SBK2: variants seen among roughly 807,000 people sequenced by gnomAD.
SBK2 encodes the protein serine/threonine-protein kinase SBK2.
In SBK2, 18 loss-of-function variants were observed where a neutral mutation model predicts 15.9. That is an observed-to-expected ratio of 1.13 (90% confidence interval 0.78 to 1.68). The LOEUF is 1.68. SBK2 is among the 40% of genes most tolerant of loss of function. The pLI, the probability that SBK2 is intolerant of heterozygous loss-of-function variation, is 0.00. For missense variants in SBK2, 581 were observed against 510.9 expected (o/e 1.14, Z -1.32); for synonymous variants, 284 against 246.8 (o/e 1.15, Z -1.41).
Position 55,529,770 on chromosome 19 carries a change from TC to T in SBK2, c.1009del (p.Glu337ArgfsTer68). On this transcript the variant is annotated frameshift_variant, in exon 4 of 4. Transcript: ENST00000413299. LOFTEE classifies it low-confidence loss of function (END_TRUNC). ...CTCCTCTTCCACCGCTCCCACTGCCTCCGCCTCGCCCTCCCGCTGCCTCCAG... is the reference window on the plus strand; with the variant it reads ...CTCCTCTTCCACCGCTCCCACTGCCTCGCCTCGCCCTCCCGCTGCCTCCAG... ...RPWRQREGEA[E>X]AVGAVEEEAG... 6.2e-7 allele frequency: 1 copy of T among 1,602,970 alleles called. No individual in the cohort carries two copies. The highest frequency in any genetic ancestry group is 8.5e-7 in the Non-Finnish European group (1 of 1,179,662).
chr19:55,533,281 A>G (rs1469794909), intron 2 of SBK2, among the ~76,000 whole-genome samples: 2 of 151,500 alleles, frequency 1.3e-5, no homozygotes, highest in Non-Finnish European at 2.9e-5. Flanking sequence ...TAGTGAGCCA[A>G]GATTGTACCA....
chr19:55,534,704 CA>C (rs35461460), intron 2 of SBK2, among the ~76,000 whole-genome samples: 36 of 82,598 alleles, frequency 4.4e-4, no homozygotes, highest in East Asian at 1.8e-3. Context: ...GACCCTGTCT[CA>C]AAAAAAAAAA....
intron 2 of SBK2, among the ~76,000 whole-genome samples, chr19:55,531,765 G>T (rs895497325): frequency 5.3e-5 from 8 of 152,212 alleles, no homozygotes; most frequent in African/African-American, 1.9e-4. Flanking sequence ...ATTGCTTGAT[G>T]TCAGGAGTTC....
chr19:55,535,426 A>G (rs956052664), intron 2 of SBK2, among the ~76,000 whole-genome samples: 4 of 152,202 alleles, frequency 2.6e-5, no homozygotes, highest in Non-Finnish European at 5.9e-5. Flanking sequence ...CTGAGCTGGG[A>G]GCTCTGTCTT....
intron 2 of SBK2, 133 bp downstream of exon 2, chr19:55,535,909 C>CA (rs900527757): frequency 1.5e-5 from 14 of 934,154 alleles, no homozygotes; most frequent in Non-Finnish European, 7.3e-6. Flanking sequence ...GAACAAAAAA[C>CA]AAAAAACACA....
At chr19:55,533,056 C>T (rs377128437) in intron 2 of SBK2, among the ~76,000 whole-genome samples, 5 of 152,274 alleles carry the variant, frequency 3.3e-5, no homozygotes, top group South Asian at 2.1e-4. Flanking sequence ...ATTGGCCCAG[C>T]GCAGTGGCTG....
rs1599940945 is a variant in SBK2 at position 55,530,282 on chromosome 19, C to G, written c.498G>C (p.Gln166His). Residue 166 changes from glutamine to histidine, a missense_variant, in exon 4 of 4, where the codon CAG becomes CAC. Gln to His is a conservative substitution (Grantham distance 24). Coordinates refer to ENST00000413299, the MANE Select transcript of SBK2 (RefSeq NM_001370096.2). The stretch of plus-strand genomic sequence containing the variant: ...GGATGTACTCCAGGGCGGAGGCCAG[C>G]TGGGCGGCGCAGCGGTGCACCGCGG... ...PQPAVHRCAA[Q>H]LASALEYIHA... 1 of 1,466,410 alleles carries G rather than the reference C, an allele frequency of 6.8e-7. No individual in the cohort carries two copies. 90.8% of individuals were successfully genotyped at this position (1,466,410 alleles called of 1,614,324 possible).
rs1988169536 is a variant in SBK2 at position 55,528,624 on chromosome 19, T to C, written c.*1109A>G. ...GCAGCACTGGGATCTGAGCGCCAGATGGAGTTTATTTGCAGAGTGGCTGGG... is the reference window on the plus strand; with the variant it reads ...GCAGCACTGGGATCTGAGCGCCAGACGGAGTTTATTTGCAGAGTGGCTGGG... On this transcript the variant is annotated 3_prime_UTR_variant, in exon 4 of 4. Coordinates refer to ENST00000413299, the MANE Select transcript of SBK2 (RefSeq NM_001370096.2). Among the ~76,000 whole-genome samples, 1 of 152,082 alleles carries C rather than the reference T, an allele frequency of 6.6e-6. No homozygotes were observed. Among genetic ancestry groups the C allele is most frequent in the Non-Finnish European group, 1.5e-5 (1 of 68,000 alleles).
At chr19:55,536,828 CCCCAG>C (rs1328511329) in intron 1 of SBK2, among the ~76,000 whole-genome samples, 5 of 151,220 alleles carry the variant, frequency 3.3e-5, no homozygotes. Flanking sequence ...GGGTCCAGGC[CCCCAG>C]CCCACCTCTC....
intron 2 of SBK2, among the ~76,000 whole-genome samples, chr19:55,532,954 G>A (rs112042264): frequency 6.6e-6 from 1 of 152,082 alleles, no homozygotes; most frequent in South Asian, 2.1e-4. Context: ...CACCATGCCC[G>A]GCTTGGTTTC....
chr19:55,532,559 C>T (rs935699486), intron 2 of SBK2, among the ~76,000 whole-genome samples: 2 of 150,388 alleles, frequency 1.3e-5, no homozygotes, highest in African/African-American at 4.9e-5. Context: ...ACCTCAGCCT[C>T]CTGAAGCATT....
intron 2 of SBK2, among the ~76,000 whole-genome samples, chr19:55,535,350 G>A (rs1334920371): frequency 6.6e-6 from 1 of 152,200 alleles, no homozygotes; most frequent in Non-Finnish European, 1.5e-5. Flanking sequence ...GCCTTGCTAA[G>A]TGCTTAGCAG....
chr19:55,536,341 A>G, intron 1 of SBK2, 45 bp from the exon 2 acceptor site: 5 of 1,436,412 alleles, frequency 3.5e-6, no homozygotes, highest in South Asian at 1.5e-5. Context: ...CCCAGGCCCA[A>G]GGGAGGAGGG....
chr19:55,528,650 G>T lies in SBK2; in HGVS notation c.*1083C>A, dbSNP rs1988169748. The stretch of plus-strand genomic sequence containing the variant: ...GGAGTTTATTTGCAGAGTGGCTGGG[G>T]CGAGAGAAGGCAAAACACATCACAG... On this transcript the variant is annotated 3_prime_UTR_variant, in exon 4 of 4. Transcript: ENST00000413299. Among the ~76,000 whole-genome samples, 1 of 152,210 alleles carries T rather than the reference G, an allele frequency of 6.6e-6. No individual in the cohort carries two copies. Among genetic ancestry groups the T allele is most frequent in the South Asian group, 2.1e-4 (1 of 4,834 alleles).
intron 2 of SBK2, among the ~76,000 whole-genome samples, chr19:55,534,858 C>G (rs1038051701): frequency 1.3e-5 from 2 of 150,590 alleles, no homozygotes; most frequent in Non-Finnish European, 3.0e-5. Flanking sequence ...AACCCCATCT[C>G]TACTAAAAAT....
Position 55,530,081 on chromosome 19 carries a change from C to G in SBK2, c.699G>C (p.Pro233=), listed in dbSNP as rs1988212765. The G allele has an allele frequency of 1.4e-6, 2 of 1,439,086 alleles. No homozygotes were observed. The highest frequency in any genetic ancestry group is 3.0e-5 in the African/African-American group (2 of 67,010). 89.1% of individuals were successfully genotyped at this position (1,439,086 alleles called of 1,614,324 possible). The part of the protein sequence containing the change: ...YTAPELCAPP[P]LPEGLPIQPA... Reference sequence around the variant, plus strand: ...GCTGAATGGGCAGGCCCTCGGGGAGCGGCGGGGGCGCGCAGAGCTCGGGGG... The same window carrying G: ...GCTGAATGGGCAGGCCCTCGGGGAGGGGCGGGGGCGCGCAGAGCTCGGGGG... Residue 233 remains proline, a synonymous_variant, in exon 4 of 4, where the codon CCG becomes CCC. Transcript: ENST00000413299.
chr19:55,531,777 A>G lies in SBK2; in HGVS notation c.254-432T>C, dbSNP rs577839930. Reference sequence around the variant, plus strand: ...TGGATTGCTTGATGTCAGGAGTTCAAGACCAGCCTGGTCAATATGGTGAAA... The same window carrying G: ...TGGATTGCTTGATGTCAGGAGTTCAGGACCAGCCTGGTCAATATGGTGAAA... On this transcript the variant is annotated intron_variant, in intron 2 of 3. Transcript: ENST00000413299. Among the ~76,000 whole-genome samples the G allele has an allele frequency of 2.0e-5, 3 of 152,344 alleles. No homozygotes were observed. In the South Asian group the frequency reaches 6.2e-4, roughly 32 times the overall value.
rs554561970 is a variant in SBK2, at chr19:55,530,151, C to T, written c.629G>A (p.Arg210His). The T allele has an allele frequency of 1.6e-5, 24 of 1,506,670 alleles. No individual in the cohort carries two copies. Among genetic ancestry groups the T allele is most frequent in the Non-Finnish European group, 1.9e-5 (22 of 1,130,104 alleles). The allele number at this position is 1,506,670 out of a possible 1,614,324, so 93.3% of individuals were successfully genotyped here. ...KLTDFGHTRP[R>H]GTLLRLAGPP... ...CCCGGCCAGGCGCAGCAGCGTCCCGCGAGGCCTCGTGTGGCCGAAGTCGGT... is the reference window on the plus strand; with the variant it reads ...CCCGGCCAGGCGCAGCAGCGTCCCGTGAGGCCTCGTGTGGCCGAAGTCGGT... The change falls in exon 4 of 4, where the codon CGC becomes CAC. Residue 210 changes from arginine to histidine, a missense_variant. Arg to His is a conservative substitution (Grantham distance 29). Coordinates refer to ENST00000413299, the MANE Select transcript of SBK2 (RefSeq NM_001370096.2).
intron 2 of SBK2, among the ~76,000 whole-genome samples, chr19:55,533,351 G>A (rs73061104): frequency 0.14 from 21,101 of 147,750 alleles, 2,230 homozygotes; most frequent in African/African-American, 0.29. Flanking sequence ...AGAAAAAAAA[G>A]GAAAAGAAAA....
Sources: gnomAD v4.1 joint callset for allele counts (sites outside exome capture counted in the v4.1 genomes callset) on GRCh38, gnomAD v4.1.1 for gene constraint, MANE v1.5 for transcripts, NCBI Gene and HGNC (gene_info 2026-07-23, HGNC 2026-07-21) for gene names.